The following IL1RAP variants were observed in gnomAD, a reference collection of about 807,000 sequenced individuals.
The protein encoded by IL1RAP is interleukin 1 receptor accessory protein.
Under a neutral mutation model 60.7 loss-of-function variants are expected in IL1RAP, and 35 were observed. The observed-to-expected ratio is 0.58, with a 90% confidence interval of 0.44 to 0.76. The LOEUF is 0.76. Among genes scored for constraint, IL1RAP ranks in the 30% least tolerant of loss-of-function variants. The probability of loss-of-function intolerance (pLI) is 0.00; values close to 1 mark genes in which losing one functional copy is unlikely to be tolerated. For synonymous variants in IL1RAP, 268 were observed against 250.9 expected (o/e 1.07, Z -0.64); for missense variants, 572 against 693.9 (o/e 0.82, Z 1.97).
chr3:190,576,732 A>T (rs1427814440), intron 3 of IL1RAP, among the ~76,000 whole-genome samples: 1 of 152,178 alleles, frequency 6.6e-6, no homozygotes, highest in Admixed American at 6.5e-5. Context: ...GCCTCCCTTT[A>T]ATCTTGTAAT....
At chr3:190,514,629 C>T (rs1333271583) in intron 1 of IL1RAP, among the ~76,000 whole-genome samples, 1 of 152,032 alleles carries the variant, frequency 6.6e-6, no homozygotes, top group African/African-American at 2.4e-5. Flanking sequence ...CCCAGCACGC[C>T]CACTCGGTAT....
intron 9 of IL1RAP, among the ~76,000 whole-genome samples, chr3:190,634,001 T>C (rs376587411): frequency 3.9e-5 from 6 of 152,228 alleles, no homozygotes; most frequent in African/African-American, 1.4e-4. Flanking sequence ...TTTTTGTAGA[T>C]GACCTTTATT....
At chr3:190,655,836 G>A (rs1734601074), downstream of IL1RAP, 8 of 1,306,670 alleles carry the variant, frequency 6.1e-6, no homozygotes, top group Admixed American at 6.1e-5. Flanking sequence ...TAACGAACTG[G>A]AATATATGTA....
intron 2 of IL1RAP, among the ~76,000 whole-genome samples, chr3:190,556,761 T>C (rs1314484173): frequency 6.6e-6 from 1 of 152,242 alleles, no homozygotes; most frequent in African/African-American, 2.4e-5. Flanking sequence ...GGCTCTTTTT[T>C]GTAAATAATA....
chr3:190,604,361 T>C lies in IL1RAP; in HGVS notation c.298T>C (p.Trp100Arg), dbSNP rs145454692. Reference sequence around the variant, plus strand: ...CATTAGTAAGGAGAAAGATGTGCTGTGGTTCCGGCCCACTCTCCTCAATGA... The same window carrying C: ...CATTAGTAAGGAGAAAGATGTGCTGCGGTTCCGGCCCACTCTCCTCAATGA... ...NRISKEKDVL[W>R]FRPTLLNDTG... The change falls in exon 4 of 12, where the codon TGG becomes CGG. Residue 100 changes from tryptophan (W) to arginine (R), a missense_variant. Coordinates refer to ENST00000447382, the MANE Select transcript of IL1RAP (RefSeq NM_002182.4). 8 of 1,613,910 alleles carry C rather than the reference T, an allele frequency of 5.0e-6. No individual in the cohort carries two copies. The highest frequency in any genetic ancestry group is 6.8e-6 in the Non-Finnish European group (8 of 1,179,978).
chr3:190,579,874 A>G (rs371753136), intron 3 of IL1RAP, among the ~76,000 whole-genome samples: 4 of 152,210 alleles, frequency 2.6e-5, no homozygotes, highest in Admixed American at 6.5e-5. Flanking sequence ...ACTTAATGCA[A>G]TGTTTTCAAG....
At chr3:190,545,812 T>C (rs1487426968) in intron 1 of IL1RAP, among the ~76,000 whole-genome samples, 1 of 152,188 alleles carries the variant, frequency 6.6e-6, no homozygotes, top group African/African-American at 2.4e-5. Context: ...GAAATGTATA[T>C]ATGTGTGAAA....
intron 3 of IL1RAP, among the ~76,000 whole-genome samples, chr3:190,603,836 G>T (rs140201163): frequency 3.0e-4 from 45 of 152,252 alleles, no homozygotes; most frequent in African/African-American, 1.1e-3. Context: ...AAAAACACTT[G>T]ATGTCTTTCT....
At chr3:190,615,483 T>C (rs920388819) in intron 5 of IL1RAP, 1 of 319,518 alleles carries the variant, frequency 3.1e-6, no homozygotes, top group African/African-American at 2.2e-5. Flanking sequence ...AAACTTTATC[T>C]TTTAGAGATG....
At chr3:190,540,028 T>C (rs1044071102) in intron 1 of IL1RAP, among the ~76,000 whole-genome samples, 3 of 152,132 alleles carry the variant, frequency 2.0e-5, no homozygotes, top group African/African-American at 7.2e-5. Context: ...AACATAATGC[T>C]ACTTGTTTCA....
chr3:190,523,722 T>C (rs1483374998), intron 1 of IL1RAP, among the ~76,000 whole-genome samples: 1 of 152,210 alleles, frequency 6.6e-6, no homozygotes, highest in African/African-American at 2.4e-5. Flanking sequence ...GGCTGCATAG[T>C]ATTCCACGGT....
chr3:190,558,059 T>C (rs559085553), intron 2 of IL1RAP, among the ~76,000 whole-genome samples: 7 of 152,332 alleles, frequency 4.6e-5, no homozygotes, highest in Non-Finnish European at 1.0e-4. Flanking sequence ...TTGGTTTATT[T>C]AATTCAGCAC....
At chr3:190,523,852 G>A (rs1722288756) in intron 1 of IL1RAP, among the ~76,000 whole-genome samples, 1 of 152,094 alleles carries the variant, frequency 6.6e-6, no homozygotes. Context: ...CTTTATAATA[G>A]AATAATTTAT....
chr3:190,631,733 A>G (rs1398867644), intron 9 of IL1RAP, among the ~76,000 whole-genome samples: 1 of 152,164 alleles, frequency 6.6e-6, no homozygotes, highest in Non-Finnish European at 1.5e-5. Flanking sequence ...AAATTTCATT[A>G]TAGTCAGTTA....
At chr3:190,622,384 C>T (rs559820038) in intron 6 of IL1RAP, among the ~76,000 whole-genome samples, 1 of 152,212 alleles carries the variant, frequency 6.6e-6, no homozygotes, top group East Asian at 1.9e-4. Context: ...AACTGCATGT[C>T]CTAAAGTTTA....
intron 1 of IL1RAP, among the ~76,000 whole-genome samples, chr3:190,522,691 A>G (rs1722192808): frequency 6.6e-6 from 1 of 152,078 alleles, no homozygotes; most frequent in African/African-American, 2.4e-5. Flanking sequence ...AACAATTGGG[A>G]TGGCAAAGGA....
chr3:190,571,492 G>C (rs1384352357), intron 3 of IL1RAP, among the ~76,000 whole-genome samples: 1 of 152,028 alleles, frequency 6.6e-6, no homozygotes, highest in Non-Finnish European at 1.5e-5. Flanking sequence ...CTCCAGCCTG[G>C]GCGACAGAAC....
chr3:190,656,018 C>G, downstream of IL1RAP: 1 of 1,537,164 alleles, frequency 6.5e-7, no homozygotes, highest in Non-Finnish European at 8.7e-7. Context: ...TGCCAGAACT[C>G]CATTGCCACC....
At chr3:190,571,712 G>C (rs1726942283) in intron 3 of IL1RAP, among the ~76,000 whole-genome samples, 1 of 152,144 alleles carries the variant, frequency 6.6e-6, no homozygotes, top group African/African-American at 2.4e-5. Context: ...GAAGACTTTA[G>C]ATTCACTGTT....
Sources: allele counts gnomAD v4.1 joint callset (sites outside exome capture counted in the v4.1 genomes callset), GRCh38; gene constraint gnomAD v4.1.1; transcripts MANE v1.5; gene names NCBI Gene and HGNC (gene_info 2026-07-23, HGNC 2026-07-21).